Variants in FILIP1 observed in about 807,000 individuals in gnomAD.
FILIP1 encodes filamin-A-interacting protein 1.
Under a neutral mutation model 102.1 loss-of-function variants are expected in FILIP1, and 61 were observed. The observed-to-expected ratio is 0.60, with a 90% CI of 0.49 to 0.74. The LOEUF is 0.74. FILIP1 is among the 30% of genes least tolerant of loss of function. The probability of loss-of-function intolerance (pLI) is 0.00; values close to 1 mark genes in which losing one functional copy is unlikely to be tolerated. For missense variants in FILIP1, 1,314 were observed against 1,441.2 expected, an observed-to-expected ratio of 0.91 and a Z score of 1.43; for synonymous variants, 491 against 526.9, an observed-to-expected ratio of 0.93 and a Z score of 0.93.
At chr6:75,317,982 C>T (rs1337510627) in intron 4 of FILIP1, among the ~76,000 whole-genome samples, 2 of 152,172 alleles carry the variant, frequency 1.3e-5, no homozygotes, top group Non-Finnish European at 2.9e-5. Flanking sequence ...GGATTCAATA[C>T]CTGACCTCCT....
At chr6:75,304,538 A>G (rs1209349422), downstream of FILIP1, among the ~76,000 whole-genome samples, 2 of 152,198 alleles carry the variant, frequency 1.3e-5, no homozygotes, top group African/African-American at 2.4e-5. Context: ...TTAAATTTGC[A>G]CTGCAAAACA....
intron 3 of FILIP1, among the ~76,000 whole-genome samples, chr6:75,355,568 A>G (rs1232208520): frequency 1.3e-5 from 2 of 151,802 alleles, no homozygotes; most frequent in Admixed American, 1.3e-4. Context: ...ACGTCCAGCT[A>G]ATTTTTGTAT....
intron 1 of FILIP1, among the ~76,000 whole-genome samples, chr6:75,466,049 C>G (rs552220111): frequency 6.6e-6 from 1 of 152,242 alleles, no homozygotes; most frequent in East Asian, 1.9e-4. Context: ...TACTTTTTGC[C>G]CAGATATTCA....
At chr6:75,404,400 C>T (rs1449887358) in intron 2 of FILIP1, among the ~76,000 whole-genome samples, 1 of 152,144 alleles carries the variant, frequency 6.6e-6, no homozygotes, top group Non-Finnish European at 1.5e-5. Flanking sequence ...ACACATTCTA[C>T]TTTCTTATAC....
rs1773077772 is a variant in FILIP1, at chr6:75,308,812, G to A, written c.3521C>T (p.Ala1174Val). Reference protein sequence around the residue: ...KGMKAGKPVVAAPGAGNLTKF... With the variant: ...KGMKAGKPVVVAPGAGNLTKF... ...GGTCAGATTTCCTGCTCCTGGGGCT[G>A]CCACTACTGGCTTTCCTGCTTTCAT... The change falls in exon 6 of 6, where the codon GCA (alanine) becomes GTA (valine). Residue 1174 changes from alanine (A) to valine (V), a missense_variant. Ala to Val is a moderately conservative substitution (Grantham distance 64). This residue lies in a region of FILIP1 where 816 missense variants were observed against 913.1 expected (regional missense o/e 0.89). Coordinates refer to ENST00000237172, the MANE Select transcript of FILIP1 (RefSeq NM_015687.5). 1 of 1,614,004 alleles carries A rather than the reference G, an allele frequency of 6.2e-7. No individual in the cohort carries two copies. The highest frequency in any genetic ancestry group is 1.3e-5 in the African/African-American group (1 of 74,904).
intron 1 of FILIP1, among the ~76,000 whole-genome samples, chr6:75,468,945 A>G (rs892215506): frequency 7.9e-5 from 12 of 152,070 alleles, no homozygotes; most frequent in African/African-American, 2.9e-4. Context: ...ATCCAACCAA[A>G]CTATCATTCA....
In FILIP1 at chr6:75,355,966, C is replaced by T. The variant is rs758280841; in HGVS notation, c.451-2249G>A. Among the ~76,000 whole-genome samples, 77 of 152,174 alleles carry T rather than the reference C, an allele frequency of 5.1e-4. 1 individual carries two copies. Among genetic ancestry groups the T allele is most frequent in the Non-Finnish European group, 1.0e-3 (70 of 68,036 alleles). On this transcript the variant is annotated intron_variant, in intron 3 of 5. Coordinates refer to ENST00000237172, the MANE Select transcript of FILIP1 (RefSeq NM_015687.5). ...CTGTGAGCTGGAGGATGTTTAGCAG[C>T]ATCCCTGGCCTCTGTCCACTAGATG...
chr6:75,337,930 T>C (rs1243900736), intron 4 of FILIP1, among the ~76,000 whole-genome samples: 1 of 152,060 alleles, frequency 6.6e-6, no homozygotes, highest in Non-Finnish European at 1.5e-5. Flanking sequence ...TTACAGAAGT[T>C]GTTGTGTGTT....
rs114394282 is a variant in FILIP1 at position 75,359,786 on chromosome 6, G to A, written c.450+2958C>T. Among the ~76,000 whole-genome samples, 559 of 152,288 alleles carry A rather than the reference G, an allele frequency of 3.7e-3. 1 individual carries two copies. Among genetic ancestry groups the A allele is most frequent in the African/African-American group, 0.013 (536 of 41,550 alleles). ...AGGGGAGGCTAAGTTCTGAGGAAGA[G>A]TAAGGTCTGATCCCTTCTGGGTCTC... On this transcript the variant is annotated intron_variant, in intron 3 of 5. Transcript: ENST00000237172.
intron 4 of FILIP1, among the ~76,000 whole-genome samples, chr6:75,344,051 C>T (rs989891753): frequency 1.3e-5 from 2 of 152,194 alleles, no homozygotes; most frequent in African/African-American, 4.8e-5. Context: ...AACAGCAATG[C>T]TTATGGCCCA....
At chr6:75,359,357 G>T (rs1775105529) in intron 3 of FILIP1, among the ~76,000 whole-genome samples, 1 of 152,136 alleles carries the variant, frequency 6.6e-6, no homozygotes, top group Non-Finnish European at 1.5e-5. Flanking sequence ...GAAATGTTGG[G>T]ATGTAGTGTT....
intron 1 of FILIP1, among the ~76,000 whole-genome samples, chr6:75,447,739 C>A (rs1778486371): frequency 6.6e-6 from 1 of 152,026 alleles, no homozygotes; most frequent in South Asian, 2.1e-4. Context: ...GGCTCAAGAC[C>A]TTTTCAGTGT....
At chr6:75,437,150 C>A (rs1778053967) in intron 1 of FILIP1, among the ~76,000 whole-genome samples, 1 of 152,204 alleles carries the variant, frequency 6.6e-6, no homozygotes, top group East Asian at 1.9e-4. Context: ...AACCTGGCAT[C>A]ATTTGCTGTG....
At chr6:75,353,470 T>C (rs1392614384) in intron 4 of FILIP1, 69 bp downstream of exon 4, 1 of 1,557,110 alleles carries the variant, frequency 6.4e-7, no homozygotes. Context: ...GACTGATCCC[T>C]GAAGGGACGG....
chr6:75,307,086 AG>A (rs535843469), downstream of FILIP1, among the ~76,000 whole-genome samples: 18 of 152,332 alleles, frequency 1.2e-4, no homozygotes, highest in Non-Finnish European at 1.6e-4. Context: ...TACAGGCATG[AG>A]CCACCATGCC....
intron 2 of FILIP1, among the ~76,000 whole-genome samples, chr6:75,404,951 G>A (rs756843975): frequency 6.6e-6 from 1 of 152,110 alleles, no homozygotes; most frequent in Non-Finnish European, 1.5e-5. Flanking sequence ...ACACAGTAAA[G>A]TGTCTTTCCC....
intron 1 of FILIP1, among the ~76,000 whole-genome samples, chr6:75,436,953 G>A (rs1335267724): frequency 2.0e-5 from 3 of 152,170 alleles, no homozygotes; most frequent in African/African-American, 4.8e-5. Flanking sequence ...GAAGAGATGA[G>A]CACAATCAGT....
At chr6:75,318,832 A>G (rs566299355) in intron 4 of FILIP1, among the ~76,000 whole-genome samples, 1 of 152,112 alleles carries the variant, frequency 6.6e-6, no homozygotes, top group Non-Finnish European at 1.5e-5. Flanking sequence ...GTTACTGGCT[A>G]TTGAAAATAC....
At chr6:75,376,973 AT>A (rs1428156781) in intron 2 of FILIP1, among the ~76,000 whole-genome samples, 4 of 152,076 alleles carry the variant, frequency 2.6e-5, no homozygotes, top group Non-Finnish European at 4.4e-5. Flanking sequence ...ATGTCTTACT[AT>A]TTTTTCTAAA....
Sources: allele counts gnomAD v4.1 joint callset (sites outside exome capture counted in the v4.1 genomes callset), GRCh38; gene constraint gnomAD v4.1.1; regional missense constraint gnomAD v4.1.1; transcripts MANE v1.5; gene names NCBI Gene and HGNC (gene_info 2026-07-23, HGNC 2026-07-21).